PXDNL: variants seen among roughly 807,000 people sequenced by gnomAD.
The protein encoded by PXDNL is peroxidasin like.
PXDNL carries 145 observed loss-of-function variants against 150.8 expected under a neutral mutation model. The observed-to-expected ratio is 0.96, with a 90% CI of 0.84 to 1.10. PXDNL has a LOEUF of 1.10. Ranked by LOEUF, PXDNL falls within the 50% of genes least tolerant of loss-of-function variation. The pLI, the probability that PXDNL is intolerant of heterozygous loss-of-function variation, is 0.00. For missense variants in PXDNL, 2,087 were observed against 1,873.9 expected (o/e 1.11, Z -2.10); for synonymous variants, 757 against 725.7 (o/e 1.04, Z -0.69).
chr8:51,489,197 C>A (rs1810836780), intron 5 of PXDNL, among the ~76,000 whole-genome samples: 1 of 152,106 alleles, frequency 6.6e-6, no homozygotes, highest in Non-Finnish European at 1.5e-5. Context: ...GAAACATAGT[C>A]AAATAAATAA....
chr8:51,683,164 C>CATATATATATATATAT (rs71237228), intron 1 of PXDNL, among the ~76,000 whole-genome samples: 468 of 44,408 alleles, frequency 0.011, 68 homozygotes, highest in Middle Eastern at 0.033. Flanking sequence ...AATTGTCTTT[C>CATATATATATATATAT]ATATATATAT....
chr8:51,616,922 A>C (rs1814142130), intron 2 of PXDNL, among the ~76,000 whole-genome samples: 1 of 152,132 alleles, frequency 6.6e-6, no homozygotes, highest in East Asian at 1.9e-4. Flanking sequence ...GTTATTCTAT[A>C]TTGTATTTTT....
At chr8:51,601,049 T>A (rs1813710732) in intron 2 of PXDNL, among the ~76,000 whole-genome samples, 2 of 147,702 alleles carry the variant, frequency 1.4e-5, no homozygotes, top group African/African-American at 2.5e-5. Context: ...ATCTTATAAA[T>A]ATATTATATC....
At chr8:51,377,921 A>G (rs1455038078) in intron 17 of PXDNL, among the ~76,000 whole-genome samples, 2 of 152,232 alleles carry the variant, frequency 1.3e-5, no homozygotes, top group East Asian at 3.9e-4. Context: ...AGAGCAGGGG[A>G]CTGGCAGGCA....
intron 4 of PXDNL, among the ~76,000 whole-genome samples, chr8:51,550,239 C>G (rs1812451053): frequency 1.3e-5 from 2 of 152,142 alleles, no homozygotes; most frequent in Admixed American, 6.5e-5. Context: ...GGATTCACAG[C>G]TGAATTCTAT....
At chr8:51,691,135 T>C (rs1815988094) in intron 1 of PXDNL, among the ~76,000 whole-genome samples, 1 of 152,214 alleles carries the variant, frequency 6.6e-6, no homozygotes, top group Non-Finnish European at 1.5e-5. Context: ...TTCACTCTGA[T>C]GGTAGTTTCT....
At chr8:51,383,282 A>AACC (rs1807602694) in intron 17 of PXDNL, among the ~76,000 whole-genome samples, 1 of 152,190 alleles carries the variant, frequency 6.6e-6, no homozygotes, top group Non-Finnish European at 1.5e-5. Flanking sequence ...CTTCTGTATT[A>AACC]ATAGCTTTGG....
intron 1 of PXDNL, among the ~76,000 whole-genome samples, chr8:51,699,739 G>A (rs1816211870): frequency 6.6e-6 from 1 of 152,088 alleles, no homozygotes; most frequent in African/African-American, 2.4e-5. Flanking sequence ...GCACTTATGG[G>A]CCATTGTAGG....
At chr8:51,416,313 G>A (rs534376536) in intron 14 of PXDNL, among the ~76,000 whole-genome samples, 1 of 152,220 alleles carries the variant, frequency 6.6e-6, no homozygotes, top group African/African-American at 2.4e-5. Context: ...ATGGTGGACA[G>A]AAGTTGATAT....
intron 4 of PXDNL, among the ~76,000 whole-genome samples, chr8:51,550,980 T>C (rs1812467524): frequency 2.0e-5 from 3 of 152,076 alleles, no homozygotes; most frequent in Non-Finnish European, 4.4e-5. Context: ...AAATACAAAA[T>C]CAATGTACAG....
chr8:51,749,102 C>T (rs558823959), intron 1 of PXDNL, among the ~76,000 whole-genome samples: 1 of 152,170 alleles, frequency 6.6e-6, no homozygotes, highest in East Asian at 1.9e-4. Flanking sequence ...ATTTTGGTAT[C>T]AGTATTAATT....
intron 14 of PXDNL, among the ~76,000 whole-genome samples, chr8:51,416,405 A>T (rs1439104471): frequency 6.6e-6 from 1 of 152,212 alleles, no homozygotes; most frequent in Non-Finnish European, 1.5e-5. Context: ...TGTTTATAAA[A>T]TTGTTTTGCT....
intron 2 of PXDNL, among the ~76,000 whole-genome samples, chr8:51,622,222 A>C (rs1023087279): frequency 1.3e-5 from 2 of 152,158 alleles, no homozygotes; most frequent in African/African-American, 4.8e-5. Context: ...GGAATCTCAG[A>C]TCCACAATTC....
chr8:51,799,696 A>T (rs565600388), intron 1 of PXDNL, among the ~76,000 whole-genome samples: 1 of 152,210 alleles, frequency 6.6e-6, no homozygotes, highest in Admixed American at 6.5e-5. Flanking sequence ...CAGCCTCTCT[A>T]TAACAGGGCA....
chr8:51,477,734 G>C (rs529987076), intron 6 of PXDNL, among the ~76,000 whole-genome samples: 1 of 152,094 alleles, frequency 6.6e-6, no homozygotes, highest in Non-Finnish European at 1.5e-5. Flanking sequence ...GGAGCATCCC[G>C]AGCATGGCAG....
intron 13 of PXDNL, among the ~76,000 whole-genome samples, chr8:51,425,629 C>T (rs975583517): frequency 4.0e-5 from 6 of 151,802 alleles, no homozygotes; most frequent in Admixed American, 3.3e-4. Context: ...GTCAGGGGAT[C>T]GAGACCACAG....
At chr8:51,532,068 C>T (rs768639512) in intron 4 of PXDNL, among the ~76,000 whole-genome samples, 11 of 139,280 alleles carry the variant, frequency 7.9e-5, no homozygotes, top group Non-Finnish European at 1.4e-4. Context: ...ATTGAGGTTG[C>T]GGGTCTGGTC....
At chr8:51,530,141 G>C (rs1811864242) in intron 4 of PXDNL, among the ~76,000 whole-genome samples, 1 of 152,142 alleles carries the variant, frequency 6.6e-6, no homozygotes, top group African/African-American at 2.4e-5. Flanking sequence ...TGTGCATCTG[G>C]AGTTCATGGC....
chr8:51,537,572 G>A (rs549869620), intron 4 of PXDNL, among the ~76,000 whole-genome samples: 4 of 152,092 alleles, frequency 2.6e-5, no homozygotes, highest in Non-Finnish European at 5.9e-5. Flanking sequence ...AGAGCAACAG[G>A]GGGGAAGAGG....
Sources: allele counts gnomAD v4.1 joint callset (sites outside exome capture counted in the v4.1 genomes callset), GRCh38; gene constraint gnomAD v4.1.1; transcripts MANE v1.5; gene names NCBI Gene and HGNC (gene_info 2026-07-23, HGNC 2026-07-21).